Variants in SYN3 observed in about 807,000 individuals in gnomAD.
SYN3 encodes synapsin-3.
Under a neutral mutation model 65.8 loss-of-function variants are expected in SYN3, and 35 were observed. The ratio of observed to expected loss-of-function variants is 0.53; its 90% CI spans 0.41 to 0.70. The LOEUF is 0.70. Ranked by LOEUF, SYN3 falls within the 30% of genes least tolerant of loss-of-function variation. The pLI, the probability that SYN3 is intolerant of heterozygous loss-of-function variation, is 0.00. For synonymous variants in SYN3, 270 were observed against 292.9 expected, an observed-to-expected ratio of 0.92 and a Z score of 0.80; for missense variants, 680 against 749.0, an observed-to-expected ratio of 0.91 and a Z score of 1.08.
chr22:32,941,843 G>A (rs553186787), intron 3 of SYN3, among the ~76,000 whole-genome samples: 58 of 152,330 alleles, frequency 3.8e-4, no homozygotes, highest in East Asian at 1.9e-4. Context: ...ACGGAGCCTC[G>A]CTCATTGCCA....
At chr22:32,885,803 C>T (rs184531533) in intron 4 of SYN3, among the ~76,000 whole-genome samples, 10 of 152,248 alleles carry the variant, frequency 6.6e-5, no homozygotes, top group Non-Finnish European at 8.8e-5. Flanking sequence ...TAAGGTGATC[C>T]GCCCACCTCT....
intron 6 of SYN3, among the ~76,000 whole-genome samples, chr22:32,664,337 G>A (rs953077214): frequency 6.6e-6 from 1 of 152,180 alleles, no homozygotes; most frequent in Non-Finnish European, 1.5e-5. Context: ...CCAAGGCCAG[G>A]GAGACTTGGC....
At chr22:32,918,884 C>G (rs2050259989) in intron 4 of SYN3, among the ~76,000 whole-genome samples, 1 of 152,208 alleles carries the variant, frequency 6.6e-6, no homozygotes, top group South Asian at 2.1e-4. Context: ...GAAGGCCTTG[C>G]AGCTTGGAGA....
intron 13 of SYN3, among the ~76,000 whole-genome samples, chr22:32,515,918 C>G (rs1391392244): frequency 6.6e-6 from 1 of 152,098 alleles, no homozygotes; most frequent in Non-Finnish European, 1.5e-5. Context: ...CCTGCCTCAG[C>G]CTCCCTAGCA....
chr22:33,018,333 TCTGGTGAAAGC>T (rs1268856824), intron 1 of SYN3, among the ~76,000 whole-genome samples: 2 of 152,166 alleles, frequency 1.3e-5, no homozygotes, highest in East Asian at 1.9e-4. Context: ...TGAGAGGGAT[TCTGGTGAAAGC>T]CTAGGAAAAG....
At chr22:32,566,588 G>A (rs887074679) in intron 7 of SYN3, among the ~76,000 whole-genome samples, 12 of 152,178 alleles carry the variant, frequency 7.9e-5, no homozygotes, top group African/African-American at 2.9e-4. Flanking sequence ...AGCAAAACAA[G>A]GGGCTGAAGA....
intron 3 of SYN3, among the ~76,000 whole-genome samples, chr22:32,934,705 T>C (rs1324157407): frequency 2.0e-5 from 3 of 152,230 alleles, no homozygotes; most frequent in Non-Finnish European, 4.4e-5. Flanking sequence ...CAAAAAGCTA[T>C]GTCCAAGTCC....
chr22:32,992,061 A>G (rs1279263768), intron 2 of SYN3, among the ~76,000 whole-genome samples: 1 of 151,990 alleles, frequency 6.6e-6, no homozygotes, highest in East Asian at 1.9e-4. Context: ...GACTCTTTGG[A>G]AAAAAGGTCA....
At chr22:32,858,114 G>A (rs1206151767) in intron 6 of SYN3, 5 of 1,614,192 alleles carry the variant, frequency 3.1e-6, no homozygotes, top group Non-Finnish European at 4.2e-6. Flanking sequence ...TGAACTATCG[G>A]TATCACCTGG....
At chr22:32,796,365 A>G (rs2046428244) in intron 6 of SYN3, among the ~76,000 whole-genome samples, 1 of 152,136 alleles carries the variant, frequency 6.6e-6, no homozygotes, top group Non-Finnish European at 1.5e-5. Context: ...ATCCCTGTGG[A>G]AAGAAATATG....
chr22:32,956,105 G>A (rs1272215167), intron 3 of SYN3, among the ~76,000 whole-genome samples: 3 of 122,290 alleles, frequency 2.5e-5, no homozygotes, highest in Admixed American at 8.4e-5. Context: ...CCCTAATACC[G>A]CCCCCCCCAA....
chr22:32,957,604 G>C (rs1601784656), intron 3 of SYN3, among the ~76,000 whole-genome samples: 3 of 152,174 alleles, frequency 2.0e-5, no homozygotes, highest in African/African-American at 7.2e-5. Flanking sequence ...GCAAGCTTTG[G>C]AGCAAGACAC....
At chr22:32,759,592 T>C (rs954177380) in intron 6 of SYN3, among the ~76,000 whole-genome samples, 9 of 150,660 alleles carry the variant, frequency 6.0e-5, no homozygotes, top group African/African-American at 2.2e-4. Context: ...TGAGGAGAAA[T>C]GTCCCCATCC....
chr22:32,613,504 A>C (rs1228926276), intron 6 of SYN3, among the ~76,000 whole-genome samples: 6 of 152,104 alleles, frequency 3.9e-5, no homozygotes. Context: ...AATCCTGCCA[A>C]CAAGGAAAGC....
At chr22:32,928,926 A>C (rs2050552278) in intron 4 of SYN3, among the ~76,000 whole-genome samples, 3 of 152,112 alleles carry the variant, frequency 2.0e-5, no homozygotes, top group Non-Finnish European at 4.4e-5. Context: ...GTCTAATGTG[A>C]TGTTAAACAC....
At chr22:32,634,030 C>T (rs943728510) in intron 6 of SYN3, among the ~76,000 whole-genome samples, 4 of 152,122 alleles carry the variant, frequency 2.6e-5, no homozygotes, top group African/African-American at 9.7e-5. Flanking sequence ...GGACAGAGGG[C>T]TCTTGGAGGG....
intron 6 of SYN3, among the ~76,000 whole-genome samples, chr22:32,676,834 T>C (rs1601894155): frequency 6.6e-6 from 1 of 152,022 alleles, no homozygotes; most frequent in Non-Finnish European, 1.5e-5. Context: ...TGAGCCACTG[T>C]GCCCAGCCAA....
At chr22:32,733,789 C>A (rs2061301706) in intron 6 of SYN3, among the ~76,000 whole-genome samples, 1 of 152,080 alleles carries the variant, frequency 6.6e-6, no homozygotes, top group South Asian at 2.1e-4. Context: ...AGCCAGGATG[C>A]TGACTGATAA....
At chr22:32,931,606 T>C (rs551102612) in intron 3 of SYN3, 125 bp from the exon 4 acceptor site, 6 of 646,604 alleles carry the variant, frequency 9.3e-6, no homozygotes, top group African/African-American at 9.1e-5. Flanking sequence ...CTTAGGAAGT[T>C]GCCGATATTA....
Sources: allele counts gnomAD v4.1 joint callset (sites outside exome capture counted in the v4.1 genomes callset), GRCh38; gene constraint gnomAD v4.1.1; transcripts MANE v1.5; gene names NCBI Gene and HGNC (gene_info 2026-07-23, HGNC 2026-07-21).